HCRTR2: variants seen among roughly 807,000 people sequenced by gnomAD.
HCRTR2 encodes the protein hypocretin receptor 2.
Under a neutral mutation model 49.0 loss-of-function variants are expected in HCRTR2, and 22 were observed. The ratio of observed to expected loss-of-function variants is 0.45; its 90% CI spans 0.32 to 0.64. The LOEUF is 0.64. Among genes scored for constraint, HCRTR2 ranks in the 30% least tolerant of loss-of-function variants. The pLI is 0.04. For missense variants in HCRTR2, 491 were observed against 559.4 expected (o/e 0.88, Z 1.23); for synonymous variants, 236 against 205.3 (o/e 1.15, Z -1.28).
chr6:55,175,473 T>C (rs1765023569), intron 1 of HCRTR2, among the ~76,000 whole-genome samples: 1 of 151,964 alleles, frequency 6.6e-6, no homozygotes, highest in Non-Finnish European at 1.5e-5. Context: ...ATCTCAATCA[T>C]CCATCCATCC....
intron 1 of HCRTR2, among the ~76,000 whole-genome samples, chr6:55,155,807 C>T (rs2127259990): frequency 6.6e-6 from 1 of 151,942 alleles, no homozygotes; most frequent in East Asian, 1.9e-4. Flanking sequence ...TTAGGAAATT[C>T]ACATTGTTTT....
chr6:55,146,838 A>G (rs1256060575), intron 1 of HCRTR2, among the ~76,000 whole-genome samples: 1 of 152,112 alleles, frequency 6.6e-6, no homozygotes, highest in Non-Finnish European at 1.5e-5. Flanking sequence ...GCAAGCTCCA[A>G]GGTGATTCCA....
At chr6:55,252,681 C>T (rs1766574700) in intron 2 of HCRTR2, among the ~76,000 whole-genome samples, 1 of 152,042 alleles carries the variant, frequency 6.6e-6, no homozygotes, top group Non-Finnish European at 1.5e-5. Flanking sequence ...CACTAATCAA[C>T]TTAAGCCCAT....
At chr6:55,206,220 T>G (rs984435104) in intron 1 of HCRTR2, among the ~76,000 whole-genome samples, 3 of 152,090 alleles carry the variant, frequency 2.0e-5, no homozygotes, top group Non-Finnish European at 2.9e-5. Flanking sequence ...TTTTAATAAG[T>G]GTGAGTGGAG....
At chr6:55,172,236 T>C (rs1224541684), upstream of HCRTR2, among the ~76,000 whole-genome samples, 1 of 152,208 alleles carries the variant, frequency 6.6e-6, no homozygotes, top group Non-Finnish European at 1.5e-5. Flanking sequence ...GTCTTTTGCT[T>C]ATATATCATC....
At chr6:55,202,428 C>T (rs1403522392) in intron 1 of HCRTR2, among the ~76,000 whole-genome samples, 1 of 152,158 alleles carries the variant, frequency 6.6e-6, no homozygotes, top group Non-Finnish European at 1.5e-5. Context: ...TCTTCATTAT[C>T]TTGTTTTATA....
intron 1 of HCRTR2, among the ~76,000 whole-genome samples, chr6:55,138,241 A>C (rs996226503): frequency 6.6e-6 from 1 of 152,216 alleles, no homozygotes; most frequent in Non-Finnish European, 1.5e-5. Context: ...AGATTTGCCT[A>C]TAAAGACATT....
At chr6:55,190,756 T>G (rs775916821) in intron 1 of HCRTR2, among the ~76,000 whole-genome samples, 1 of 152,120 alleles carries the variant, frequency 6.6e-6, no homozygotes, top group Non-Finnish European at 1.5e-5. Context: ...AACAATGCAT[T>G]TAAACATCCA....
At chr6:55,244,170 A>C (rs1308408576) in intron 1 of HCRTR2, among the ~76,000 whole-genome samples, 1 of 152,022 alleles carries the variant, frequency 6.6e-6, no homozygotes, top group African/African-American at 2.4e-5. Flanking sequence ...CCCAGTTACT[A>C]TTGGCCATCT....
At chr6:55,148,756 T>TA (rs898981408) in intron 1 of HCRTR2, among the ~76,000 whole-genome samples, 9 of 152,206 alleles carry the variant, frequency 5.9e-5, no homozygotes, top group East Asian at 1.9e-4. Flanking sequence ...GGGATTCAGG[T>TA]AATATATGTT....
chr6:55,120,115 G>A (rs12216078), intron 1 of HCRTR2, among the ~76,000 whole-genome samples: 5 of 152,132 alleles, frequency 3.3e-5, no homozygotes, highest in Admixed American at 3.3e-4. Flanking sequence ...CCTCTATTCT[G>A]TTCCATTGGT....
chr6:55,210,534 G>A (rs1375910839), intron 1 of HCRTR2, among the ~76,000 whole-genome samples: 1 of 152,144 alleles, frequency 6.6e-6, no homozygotes, highest in African/African-American at 2.4e-5. Flanking sequence ...AGTAGAATAA[G>A]ACCCACTGTT....
intron 3 of HCRTR2, among the ~76,000 whole-genome samples, chr6:55,256,946 TGA>T (rs1331028134): frequency 6.6e-6 from 1 of 152,026 alleles, no homozygotes; most frequent in Non-Finnish European, 1.5e-5. Context: ...AGAACACAAA[TGA>T]GAGAACAAAC....
At position 55,119,146 on chromosome 6, in the gene HCRTR2, C is replaced by A. The variant is rs893107408; in HGVS notation, c.-378+12601C>A. ...TCTTTTTCATGGCTGCACAGTATTC[C>A]ATGGTGTATATGTGCCATGTTTTCT... On this transcript the variant is annotated intron_variant, in intron 1 of 7. Coordinates refer to the HCRTR2 transcript ENST00000615358. Among the ~76,000 whole-genome samples the A allele has an allele frequency of 3.3e-5, 5 of 152,054 alleles. 1 individual carries two copies. Among genetic ancestry groups the A allele is most frequent in the African/African-American group, 1.2e-4 (5 of 41,402 alleles).
At chr6:55,244,604 C>A (rs549989047) in intron 1 of HCRTR2, among the ~76,000 whole-genome samples, 14 of 152,112 alleles carry the variant, frequency 9.2e-5, no homozygotes, top group Admixed American at 9.2e-4. Flanking sequence ...ATTTAGTGTG[C>A]TCTCAGGAGA....
At chr6:55,216,186 A>T (rs1765782989) in intron 1 of HCRTR2, among the ~76,000 whole-genome samples, 1 of 152,180 alleles carries the variant, frequency 6.6e-6, no homozygotes, top group Non-Finnish European at 1.5e-5. Context: ...ACCTTTCTCA[A>T]AAAACCCATC....
chr6:55,165,402 A>G (rs913190930), intron 1 of HCRTR2, among the ~76,000 whole-genome samples: 4 of 152,112 alleles, frequency 2.6e-5, no homozygotes, highest in African/African-American at 9.7e-5. Context: ...CTTTCAATAA[A>G]GGTGTTGGGA....
At chr6:55,181,233 T>G (rs1765128978) in intron 1 of HCRTR2, among the ~76,000 whole-genome samples, 1 of 152,172 alleles carries the variant, frequency 6.6e-6, no homozygotes, top group South Asian at 2.1e-4. Flanking sequence ...TGAAAGAGTT[T>G]GAGATGCTAT....
At chr6:55,236,609 AAGACT>A (rs1766219072) in intron 1 of HCRTR2, among the ~76,000 whole-genome samples, 1 of 152,150 alleles carries the variant, frequency 6.6e-6, no homozygotes, top group African/African-American at 2.4e-5. Context: ...CACTGAGGGA[AAGACT>A]ATTTATGTGA....
Sources: allele counts gnomAD v4.1 joint callset (sites outside exome capture counted in the v4.1 genomes callset), GRCh38; gene constraint gnomAD v4.1.1; transcripts MANE v1.5; gene names NCBI Gene and HGNC (gene_info 2026-07-23, HGNC 2026-07-21).